The following USP6NL variants were observed in gnomAD, a reference collection of about 807,000 sequenced individuals.
USP6NL encodes USP6 N-terminal like.
In USP6NL, 26 loss-of-function variants were observed where a neutral mutation model predicts 61.9. That is an observed-to-expected ratio of 0.42 (90% confidence interval 0.31 to 0.58). The LOEUF (loss-of-function observed/expected upper bound fraction) is 0.58, where lower values mean the gene tolerates loss of function less well. Among genes scored for constraint, USP6NL ranks in the 20% least tolerant of loss-of-function variants. The pLI is 0.16. For synonymous variants in USP6NL, 432 were observed against 390.1 expected (o/e 1.11, Z -1.27); for missense variants, 1,114 against 1,034.3 (o/e 1.08, Z -1.06).
chr10:11,562,590 T>TTTAAATTA lies in USP6NL; in HGVS notation c.5-35031_5-35024dup. 1 of 985,404 alleles carries TTTAAATTA rather than the reference T, an allele frequency of 1.0e-6. No homozygotes were observed. Among genetic ancestry groups the TTTAAATTA allele is most frequent in the Non-Finnish European group, 1.2e-6 (1 of 829,920 alleles). 61.0% of individuals were successfully genotyped at this position (985,404 alleles called of 1,614,324 possible). On this transcript the variant is annotated intron_variant, in intron 2 of 14. Transcript: ENST00000609104. The surrounding 1 kb of genome is among the most constrained non-coding windows in gnomAD (Gnocchi z 4.8). The stretch of plus-strand genomic sequence containing the variant: ...GACTGTTTCAGCCACTCAGCCAGGT[T>TTTAAATTA]TTAAATTACTTGCAACTAAATGTAA...
rs1413505907 is a variant in USP6NL at position 11,574,677 on chromosome 10, TCTC to T, written c.4+22951_4+22953del. Among the ~76,000 whole-genome samples, 3 of 152,216 alleles carry T rather than the reference TCTC, an allele frequency of 2.0e-5. No homozygotes were observed. Among genetic ancestry groups the T allele is most frequent in the African/African-American group, 2.4e-5 (1 of 41,460 alleles). On this transcript the variant is annotated intron_variant, in intron 2 of 14. Coordinates refer to ENST00000609104, the MANE Select transcript of USP6NL (RefSeq NM_014688.5). This position sits in a 1 kb window ranked among gnomAD's most constrained non-coding sequence, Gnocchi z 4.3. ...CCTCTTACTGTACTGCCAATTTTCC[TCTC>T]CTATTTTTCTTTCCTTCCCATGAAT...
chr10:11,557,172 C>T (rs899234074), intron 2 of USP6NL, among the ~76,000 whole-genome samples: 2 of 152,284 alleles, frequency 1.3e-5, no homozygotes, highest in Admixed American at 6.5e-5. Flanking sequence ...TTTCTGCATG[C>T]TGTTTTCATG....
chr10:11,509,497 A>G (rs1834603768), intron 6 of USP6NL, 98 bp downstream of exon 6: 1 of 1,182,656 alleles, frequency 8.5e-7, no homozygotes, highest in East Asian at 2.6e-5. Flanking sequence ...AAAACCAAAT[A>G]TGAATGTAAC....
intron 3 of USP6NL, among the ~76,000 whole-genome samples, chr10:11,526,018 T>C (rs1405694607): frequency 6.6e-6 from 1 of 151,888 alleles, no homozygotes; most frequent in Non-Finnish European, 1.5e-5. Context: ...CTAACGGATC[T>C]CTGAAGCGTA....
chr10:11,549,488 ACTCC>A (rs1400011741), intron 2 of USP6NL, among the ~76,000 whole-genome samples: 5 of 151,960 alleles, frequency 3.3e-5, no homozygotes, highest in Non-Finnish European at 7.4e-5. Context: ...TACTTTTTTC[ACTCC>A]CTATTGGTGA....
In USP6NL at chr10:11,491,981, A is replaced by G. The variant is rs1470757007; in HGVS notation, c.495-1101T>C. On this transcript the variant is annotated intron_variant, in intron 8 of 14. Coordinates refer to ENST00000609104, the MANE Select transcript of USP6NL (RefSeq NM_014688.5). This position sits in a 1 kb window ranked among gnomAD's most constrained non-coding sequence, Gnocchi z 4.7. Reference sequence around the variant, plus strand: ...TTTTTTTGTAAATGTGCTTGTATATATACCAACAAATATTTTCTTCTTCCC... The same window carrying G: ...TTTTTTTGTAAATGTGCTTGTATATGTACCAACAAATATTTTCTTCTTCCC... 6.6e-6 allele frequency among the ~76,000 whole-genome samples: 1 copy of G among 152,232 alleles called. No individual in the cohort carries two copies. Among genetic ancestry groups the G allele is most frequent in the African/African-American group, 2.4e-5 (1 of 41,436 alleles).
chr10:11,512,423 A>G (rs2031372006), intron 5 of USP6NL, among the ~76,000 whole-genome samples: 1 of 151,996 alleles, frequency 6.6e-6, no homozygotes, highest in Non-Finnish European at 1.5e-5. Context: ...CTAGATGAAA[A>G]CAGAAGCTCC....
intron 2 of USP6NL, among the ~76,000 whole-genome samples, chr10:11,570,474 A>G (rs1837316180): frequency 6.6e-6 from 1 of 152,254 alleles, no homozygotes; most frequent in Non-Finnish European, 1.5e-5. Context: ...CAAGGCCCTT[A>G]TTCAAAATCT....
chr10:11,543,803 GTTTTTTTTTTTTT>G (rs781443038), intron 2 of USP6NL, among the ~76,000 whole-genome samples: 6 of 76,362 alleles, frequency 7.9e-5, no homozygotes, highest in African/African-American at 1.4e-4. Context: ...AAATATTTAG[GTTTTTTTTTTTTT>G]TTTTTTTTTT....
rs931531547 is a variant in USP6NL at position 11,525,323 on chromosome 10, T to C, written c.155+63A>G. 7.6e-7 allele frequency: 1 copy of C among 1,318,692 alleles called. No homozygotes were observed. Among genetic ancestry groups the C allele is most frequent in the Non-Finnish European group, 1.1e-6 (1 of 949,494 alleles). 81.7% of individuals were successfully genotyped at this position (1,318,692 alleles called of 1,614,324 possible). A position where few individuals can be genotyped will look rare whatever the true frequency, so the allele number is the denominator to read the frequency against. ...TTATATTAAAAATAAAGAAAATCAATATAATAGGTGACCACAGAAACGTTA... is the reference window on the plus strand; with the variant it reads ...TTATATTAAAAATAAAGAAAATCAACATAATAGGTGACCACAGAAACGTTA... On this transcript the variant is annotated intron_variant, in intron 4 of 14. Transcript: ENST00000609104. This position sits in a 1 kb window ranked among gnomAD's most constrained non-coding sequence, Gnocchi z 5.0.
chr10:11,540,732 T>C lies in USP6NL; in HGVS notation c.5-13165A>G, dbSNP rs941859503. Among the ~76,000 whole-genome samples the C allele has an allele frequency of 3.9e-5, 6 of 151,958 alleles. No individual in the cohort carries two copies. The highest frequency in any genetic ancestry group is 1.5e-4 in the African/African-American group (6 of 41,372). On this transcript the variant is annotated intron_variant, in intron 2 of 14. Transcript: ENST00000609104. The surrounding 1 kb of genome is among the most constrained non-coding windows in gnomAD (Gnocchi z 5.0). ...AATGGTAACATTTCTACCCTTTAAA[T>C]AAAAAATAATGTGCAAAAGCCAAAC...
chr10:11,543,786 T>A (rs1836160317), intron 2 of USP6NL, among the ~76,000 whole-genome samples: 1 of 146,286 alleles, frequency 6.8e-6, no homozygotes, highest in Admixed American at 6.9e-5. Context: ...TGTCTGGGGA[T>A]CCTGAAAAAT....
chr10:11,609,050 GCTTTT>G (rs150695721), intron 1 of USP6NL, among the ~76,000 whole-genome samples: 20,599 of 151,918 alleles, frequency 0.14, 1,529 homozygotes, highest in East Asian at 0.16. Context: ...AATGGACTAT[GCTTTT>G]CTTTTCTTTT....
At chr10:11,576,107 TAATA>T (rs1837535505) in intron 2 of USP6NL, among the ~76,000 whole-genome samples, 1 of 150,086 alleles carries the variant, frequency 6.7e-6, no homozygotes, top group Non-Finnish European at 1.5e-5. Context: ...AAAAAAGCAA[TAATA>T]TTAACACAGG....
At chr10:11,502,711 A>C (rs1327281005) in intron 6 of USP6NL, among the ~76,000 whole-genome samples, 1 of 152,246 alleles carries the variant, frequency 6.6e-6, no homozygotes, top group Admixed American at 6.5e-5. Context: ...AACTTCGATC[A>C]TGTGGTTGAA....
intron 1 of USP6NL, among the ~76,000 whole-genome samples, chr10:11,599,895 G>T (rs900252115): frequency 1.3e-5 from 2 of 151,960 alleles, no homozygotes; most frequent in African/African-American, 2.4e-5. Flanking sequence ...TCCTGACCTC[G>T]TGATCCACCC....
intron 10 of USP6NL, among the ~76,000 whole-genome samples, chr10:11,488,552 C>T (rs572784830): frequency 5.9e-5 from 9 of 152,194 alleles, no homozygotes; most frequent in Admixed American, 2.6e-4. Context: ...GCCTAGAACA[C>T]GTTATCAACC....
In USP6NL at chr10:11,528,146, C is replaced by A. The variant is rs1184011532; in HGVS notation, c.5-579G>T. On this transcript the variant is annotated intron_variant, in intron 2 of 14. Coordinates refer to ENST00000609104, the MANE Select transcript of USP6NL (RefSeq NM_014688.5). This position sits in a 1 kb window ranked among gnomAD's most constrained non-coding sequence, Gnocchi z 4.6. The stretch of plus-strand genomic sequence containing the variant: ...ACACACAGACACACACACACACACA[C>A]ACACACACACACACCCTTCATCCTT... Among the ~76,000 whole-genome samples, 1 of 151,862 alleles carries A rather than the reference C, an allele frequency of 6.6e-6. No homozygotes were observed. The highest frequency in any genetic ancestry group is 2.4e-5 in the African/African-American group (1 of 41,342).
At chr10:11,601,055 T>C (rs1233561908) in intron 1 of USP6NL, among the ~76,000 whole-genome samples, 2 of 152,072 alleles carry the variant, frequency 1.3e-5, no homozygotes, top group Admixed American at 6.5e-5. Flanking sequence ...CTAAGATATA[T>C]ACTGAAAAAT....
Sources: gnomAD v4.1 joint callset for allele counts (sites outside exome capture counted in the v4.1 genomes callset) on GRCh38, gnomAD v4.1.1 for gene constraint, Gnocchi (gnomAD v3.1) non-coding constraint, MANE v1.5 for transcripts, NCBI Gene and HGNC (gene_info 2026-07-23, HGNC 2026-07-21) for gene names.